Variants in IQCB1 observed in about 807,000 individuals in gnomAD.
IQCB1 encodes the protein IQ calmodulin-binding motif-containing protein 1.
A neutral mutation model predicts 84.4 loss-of-function variants in IQCB1; 56 were observed. The observed-to-expected ratio is 0.66, with a 90% CI of 0.54 to 0.83. IQCB1 has a LOEUF of 0.83. Ranked by LOEUF, IQCB1 falls within the 40% of genes least tolerant of loss-of-function variation. The probability of loss-of-function intolerance (pLI) is 0.00; values close to 1 mark genes in which losing one functional copy is unlikely to be tolerated. For synonymous variants in IQCB1, 210 were observed against 234.8 expected (o/e 0.89, Z 0.96); for missense variants, 629 against 682.1 (o/e 0.92, Z 0.87).
At chr3:121,805,948 T>C (rs1949587222) in intron 7 of IQCB1, among the ~76,000 whole-genome samples, 1 of 152,130 alleles carries the variant, frequency 6.6e-6, no homozygotes, top group South Asian at 2.1e-4. Context: ...CTGGCTGGGA[T>C]GCCTCTCCCT....
At chr3:121,810,497 T>C (rs1949783901) in intron 5 of IQCB1, among the ~76,000 whole-genome samples, 1 of 151,960 alleles carries the variant, frequency 6.6e-6, no homozygotes, top group African/African-American at 2.4e-5. Context: ...AAAAATATTA[T>C]GAAAAGTATT....
chr3:121,830,785 G>A (rs1483048331), intron 2 of IQCB1, among the ~76,000 whole-genome samples: 1 of 152,054 alleles, frequency 6.6e-6, no homozygotes, highest in Non-Finnish European at 1.5e-5. Context: ...AATCATCCCT[G>A]CCTTTCTCTG....
At chr3:121,826,389 A>G (rs1950468525) in intron 4 of IQCB1, among the ~76,000 whole-genome samples, 1 of 152,250 alleles carries the variant, frequency 6.6e-6, no homozygotes, top group Admixed American at 6.5e-5. Flanking sequence ...GGATTTATGT[A>G]TCCTAAAAAC....
intron 13 of IQCB1, among the ~76,000 whole-genome samples, chr3:121,777,532 A>G (rs183177225): frequency 4.8e-4 from 73 of 152,342 alleles, no homozygotes; most frequent in African/African-American, 1.7e-3. Context: ...ATATGGTCCA[A>G]CACTGACTGA....
intron 11 of IQCB1, among the ~76,000 whole-genome samples, chr3:121,789,648 T>A (rs1258134321): frequency 6.6e-6 from 1 of 152,192 alleles, no homozygotes; most frequent in African/African-American, 2.4e-5. Flanking sequence ...TCAGACCACA[T>A]CTTCTTATTA....
At position 121,772,658 on chromosome 3, in the gene IQCB1, C is replaced by A; in HGVS notation, c.1466G>T (p.Arg489Leu). 6.2e-7 allele frequency: 1 copy of A among 1,614,136 alleles called. No homozygotes were observed. The highest frequency in any genetic ancestry group is 8.5e-7 in the Non-Finnish European group (1 of 1,180,010). ...SRELHAQAQE[R>L]LQHYFMGRAL... ...CCTGCCCATAAAGTAGTGTTGCAGTCGTTCTTGAGCTTGGGCATGGAGCTC... is the reference window on the plus strand; with the variant it reads ...CCTGCCCATAAAGTAGTGTTGCAGTAGTTCTTGAGCTTGGGCATGGAGCTC... Residue 489 changes from arginine (R) to leucine (L), a missense_variant, in exon 14 of 15, where the codon CGA becomes CTA. Coordinates refer to ENST00000310864, the MANE Select transcript of IQCB1 (RefSeq NM_001023570.4).
intron 5 of IQCB1, among the ~76,000 whole-genome samples, chr3:121,818,326 C>T (rs1950149212): frequency 6.6e-6 from 1 of 152,324 alleles, no homozygotes. Context: ...TTCCACTCTT[C>T]TCATTACTTA....
chr3:121,803,625 G>A (rs1322402664), intron 7 of IQCB1, among the ~76,000 whole-genome samples: 2 of 152,086 alleles, frequency 1.3e-5, no homozygotes, highest in East Asian at 3.8e-4. Flanking sequence ...ATTTTTGCTT[G>A]TGTATTTTAA....
At chr3:121,785,251 ATTACT>A (rs1357960590) in intron 12 of IQCB1, among the ~76,000 whole-genome samples, 1 of 150,854 alleles carries the variant, frequency 6.6e-6, no homozygotes, top group Non-Finnish European at 1.5e-5. Context: ...ACTCCTTTAT[ATTACT>A]TTTTTTTTTT....
Position 121,826,161 on chromosome 3 carries a change from C to T in IQCB1, c.283G>A (p.Glu95Lys), listed in dbSNP as rs1279006100. The T allele has an allele frequency of 6.2e-7, 1 of 1,613,896 alleles. No homozygotes were observed. The highest frequency in any genetic ancestry group is 8.5e-7 in the Non-Finnish European group (1 of 1,179,830). The change falls in exon 5 of 15, where the codon GAG (glutamate) becomes AAG (lysine). Residue 95 changes from glutamate (E) to lysine (K), a missense_variant. Coordinates refer to ENST00000310864, the MANE Select transcript of IQCB1 (RefSeq NM_001023570.4). ...AATTCCTCTGCATCTTCTCCTGGCT[C>T]CAAGCCCACACAGCAATGGCTGAAA... ...QILSHCCVGL[E>K]PGEDAEEFYN...
chr3:121,832,547 G>A (rs950781448), intron 2 of IQCB1, among the ~76,000 whole-genome samples: 3 of 151,990 alleles, frequency 2.0e-5, no homozygotes, highest in Non-Finnish European at 4.4e-5. Flanking sequence ...GGCTGGTCTT[G>A]AACTCATGAC....
Position 121,770,136 on chromosome 3 carries a change from G to A in IQCB1, c.*209C>T, listed in dbSNP as rs1947906967. On this transcript the variant is annotated 3_prime_UTR_variant, in exon 15 of 15. Transcript: ENST00000310864. ...TCTACAATAAAAGCCACACAAATCT[G>A]TGTGTGGCTAACGATGAGGATACAG... The A allele has an allele frequency of 9.1e-6, 5 of 550,558 alleles. No homozygotes were observed. The highest frequency in any genetic ancestry group is 3.0e-5 in the East Asian group (1 of 32,990). The allele number at this position is 550,558 out of a possible 1,614,324, so 34.1% of individuals were successfully genotyped here.
chr3:121,790,183 T>C lies in IQCB1; in HGVS notation c.1019A>G (p.Asn340Ser), dbSNP rs776574028. ...SKRSKMLLEI[N>S]RQKEEEDLKL... ...GAGGTCCTCTTCTTCCTTCTGCCTA[T>C]TTATCTCCAGCAACATCTTTGATCG... The change falls in exon 11 of 15, where the codon AAT (asparagine) becomes AGT (serine). Residue 340 changes from asparagine to serine, a missense_variant. Transcript: ENST00000310864. 1 of 1,613,784 alleles carries C rather than the reference T, an allele frequency of 6.2e-7. No individual in the cohort carries two copies. Among genetic ancestry groups the C allele is most frequent in the Admixed American group, 1.7e-5 (1 of 60,034 alleles).
At chr3:121,772,499 G>A in intron 14 of IQCB1, 58 bp downstream of exon 14, 2 of 1,574,526 alleles carry the variant, frequency 1.3e-6, no homozygotes, top group Non-Finnish European at 1.7e-6. Flanking sequence ...GGTTTTGGAT[G>A]TCACAAACCT....
chr3:121,805,894 ATCTTGTTCTC>A (rs1576585484), intron 7 of IQCB1, among the ~76,000 whole-genome samples: 1 of 152,056 alleles, frequency 6.6e-6, no homozygotes, highest in African/African-American at 2.4e-5. Flanking sequence ...AACTCTAGTT[ATCTTGTTCTC>A]TCCAGACTCT....
chr3:121,828,445 C>T (rs762727103), intron 4 of IQCB1, 25 bp downstream of exon 4: 1 of 1,597,212 alleles, frequency 6.3e-7, no homozygotes, highest in African/African-American at 1.3e-5. Context: ...CCCTCAAGAA[C>T]AGCTGACTTA....
chr3:121,792,778 G>C (rs1949043936), intron 10 of IQCB1, among the ~76,000 whole-genome samples: 1 of 151,932 alleles, frequency 6.6e-6, no homozygotes, highest in African/African-American at 2.4e-5. Flanking sequence ...CATTTATTAG[G>C]AACTGAAGTG....
chr3:121,824,052 G>A (rs1559799923), intron 5 of IQCB1, among the ~76,000 whole-genome samples: 2 of 152,082 alleles, frequency 1.3e-5, no homozygotes, highest in African/African-American at 2.4e-5. Context: ...CAGACTAGAT[G>A]AAAAAGCAAG....
chr3:121,781,644 C>T (rs1259803028), intron 13 of IQCB1, 99 bp downstream of exon 13: 1 of 604,166 alleles, frequency 1.7e-6, no homozygotes, highest in Non-Finnish European at 2.4e-6. Flanking sequence ...CACACACACA[C>T]ACACACACAC....
Sources: gnomAD v4.1 joint callset for allele counts (sites outside exome capture counted in the v4.1 genomes callset) on GRCh38, gnomAD v4.1.1 for gene constraint, MANE v1.5 for transcripts, NCBI Gene and HGNC (gene_info 2026-07-23, HGNC 2026-07-21) for gene names.